MALRD1: variants seen among roughly 807,000 people sequenced by gnomAD.
MALRD1 encodes the protein MAM and LDL-receptor class A domain-containing protein 1.
Under a neutral mutation model 242.1 loss-of-function variants are expected in MALRD1, and 247 were observed. The ratio of observed to expected loss-of-function variants is 1.02; its 90% CI spans 0.92 to 1.13. The LOEUF is 1.13. MALRD1 is among the 50% of genes most tolerant of loss of function. The pLI is 0.00. For synonymous variants in MALRD1, 995 were observed against 866.6 expected (o/e 1.15, Z -2.60); for missense variants, 2,989 against 2,533.1 (o/e 1.18, Z -3.86).
intron 8 of MALRD1, among the ~76,000 whole-genome samples, chr10:19,132,675 A>G (rs1220234010): frequency 6.6e-6 from 1 of 152,190 alleles, no homozygotes; most frequent in Non-Finnish European, 1.5e-5. Flanking sequence ...AAAGTGGGAC[A>G]GAGCCAGGCT....
At chr10:19,578,232 G>A (rs950207371) in intron 33 of MALRD1, among the ~76,000 whole-genome samples, 3 of 152,094 alleles carry the variant, frequency 2.0e-5, no homozygotes, top group African/African-American at 7.2e-5. Flanking sequence ...TTATTGATGT[G>A]TAAGAATATT....
chr10:19,720,613 T>C (rs1834700778), intron 38 of MALRD1, among the ~76,000 whole-genome samples: 1 of 152,208 alleles, frequency 6.6e-6, no homozygotes, highest in African/African-American at 2.4e-5. Context: ...CTCTCCGTCT[T>C]GTTACCTTTG....
At chr10:19,593,949 C>T (rs7069688) in intron 33 of MALRD1, among the ~76,000 whole-genome samples, 6,156 of 152,254 alleles carry the variant, frequency 0.04, 378 homozygotes, top group African/African-American at 0.13. Context: ...TATGACAGCA[C>T]ATGGCCTTTG....
At chr10:19,063,500 C>T (rs970287500) in intron 1 of MALRD1, among the ~76,000 whole-genome samples, 1 of 152,096 alleles carries the variant, frequency 6.6e-6, no homozygotes, top group Non-Finnish European at 1.5e-5. Context: ...TTTTCAAAAT[C>T]ATGCCTCAAG....
intron 28 of MALRD1, among the ~76,000 whole-genome samples, chr10:19,390,222 A>G (rs1176711109): frequency 7.2e-5 from 11 of 152,220 alleles, no homozygotes; most frequent in Non-Finnish European, 1.0e-4. Context: ...TTCCAATAAA[A>G]GAAAATAAAT....
chr10:19,166,649 A>G (rs551085340), intron 13 of MALRD1, among the ~76,000 whole-genome samples: 44 of 152,298 alleles, frequency 2.9e-4, no homozygotes, highest in Non-Finnish European at 5.4e-4. Context: ...TTTGATAGTG[A>G]CACATTATAT....
chr10:19,458,214 A>G (rs12245365), intron 29 of MALRD1, among the ~76,000 whole-genome samples: 18,124 of 152,144 alleles, frequency 0.12, 1,098 homozygotes, highest in African/African-American at 0.15. Flanking sequence ...GAAGTACGCA[A>G]TGCTTCTCAA....
intron 32 of MALRD1, among the ~76,000 whole-genome samples, chr10:19,551,069 T>C (rs184968356): frequency 4.4e-4 from 67 of 152,298 alleles, no homozygotes; most frequent in African/African-American, 9.1e-4. Context: ...AGATCACTGA[T>C]TGAGCTTCTT....
At position 19,534,374 on chromosome 10, in the gene MALRD1, C is replaced by T. The variant is rs959422805; in HGVS notation, c.5478+3023C>T. 1.1e-4 allele frequency among the ~76,000 whole-genome samples: 16 copies of T among 152,268 alleles called. No individual in the cohort carries two copies. In the East Asian group the frequency reaches 1.5e-3, roughly 15 times the overall value. Reference sequence around the variant, plus strand: ...ACCAGTGAAGTGGAAACCCATTCTCCGTGTTCTTCGGATTGAGGCTTTCCA... The same window carrying T: ...ACCAGTGAAGTGGAAACCCATTCTCTGTGTTCTTCGGATTGAGGCTTTCCA... On this transcript the variant is annotated intron_variant, in intron 32 of 39. Transcript: ENST00000454679.
chr10:19,701,924 G>A (rs1203881427), intron 38 of MALRD1, among the ~76,000 whole-genome samples: 1 of 151,352 alleles, frequency 6.6e-6, no homozygotes, highest in Non-Finnish European at 1.5e-5. Context: ...ATTGTGCTAG[G>A]ACATATTTTA....
chr10:19,504,663 C>CGTTT (rs1564397363), intron 31 of MALRD1, among the ~76,000 whole-genome samples: 1 of 128,698 alleles, frequency 7.8e-6, no homozygotes, highest in African/African-American at 3.2e-5. Flanking sequence ...TATTGTAACA[C>CGTTT]ATTTTTTTTT....
At chr10:19,454,429 TATAA>T (rs1835519444) in intron 29 of MALRD1, among the ~76,000 whole-genome samples, 1 of 141,236 alleles carries the variant, frequency 7.1e-6, no homozygotes, top group Non-Finnish European at 1.5e-5. Flanking sequence ...TATATATATA[TATAA>T]TTATATGATA....
In MALRD1 at chr10:19,634,671, G is replaced by A. The variant is rs971941139; in HGVS notation, c.6137+18748G>A. ...GGCTAAGCTCACAGCACTCTTTTCCGTAATACTCATCTGGAAAGCAAGCAG... is the reference window on the plus strand; with the variant it reads ...GGCTAAGCTCACAGCACTCTTTTCCATAATACTCATCTGGAAAGCAAGCAG... On this transcript the variant is annotated intron_variant, in intron 36 of 39. Coordinates refer to ENST00000454679, the MANE Select transcript of MALRD1 (RefSeq NM_001142308.3). Among the ~76,000 whole-genome samples the A allele has an allele frequency of 7.2e-5, 11 of 152,106 alleles. No homozygotes were observed. In the East Asian group the frequency reaches 1.2e-3, roughly 16 times the overall value.
Position 19,129,626 on chromosome 10 carries a change from C to T in MALRD1, c.1110+1239C>T, listed in dbSNP as rs1216113875. On this transcript the variant is annotated intron_variant, in intron 8 of 39. Transcript: ENST00000454679. ...TAGCTTGATCTTTCTGGTGATGAGTCCCATAAGATTCCATTAACATCCCTA... is the reference window on the plus strand; with the variant it reads ...TAGCTTGATCTTTCTGGTGATGAGTTCCATAAGATTCCATTAACATCCCTA... 6.6e-5 allele frequency among the ~76,000 whole-genome samples: 10 copies of T among 151,930 alleles called. No individual in the cohort carries two copies. In the South Asian group the frequency reaches 2.1e-3, roughly 32 times the overall value.
intron 36 of MALRD1, among the ~76,000 whole-genome samples, chr10:19,674,863 T>A (rs1299581448): frequency 6.6e-6 from 1 of 152,190 alleles, no homozygotes; most frequent in East Asian, 1.9e-4. Context: ...TTCTTCCTTT[T>A]TTTTTTCTAT....
At chr10:19,063,307 G>A (rs1461761159) in intron 1 of MALRD1, among the ~76,000 whole-genome samples, 3 of 152,140 alleles carry the variant, frequency 2.0e-5, no homozygotes, top group Admixed American at 6.5e-5. Flanking sequence ...AATAAGTGTG[G>A]TTTCTATCTC....
At chr10:19,132,668 G>T (rs1438235875) in intron 8 of MALRD1, among the ~76,000 whole-genome samples, 1 of 152,122 alleles carries the variant, frequency 6.6e-6, no homozygotes, top group African/African-American at 2.4e-5. Flanking sequence ...ATGCTAGAAA[G>T]TGGGACAGAG....
chr10:19,358,931 C>CA (rs1284132720), intron 26 of MALRD1, among the ~76,000 whole-genome samples: 1 of 152,114 alleles, frequency 6.6e-6, no homozygotes, highest in Non-Finnish European at 1.5e-5. Context: ...AAATTGCTTT[C>CA]AAAAAGTCTC....
intron 21 of MALRD1, among the ~76,000 whole-genome samples, chr10:19,284,333 G>T (rs372725586): frequency 4.0e-5 from 6 of 149,604 alleles, no homozygotes; most frequent in African/African-American, 1.5e-4. Context: ...CATGTGCCAC[G>T]CTGGTGCGCT....
Sources: allele counts gnomAD v4.1 joint callset (sites outside exome capture counted in the v4.1 genomes callset), GRCh38; gene constraint gnomAD v4.1.1; transcripts MANE v1.5; gene names NCBI Gene and HGNC (gene_info 2026-07-23, HGNC 2026-07-21).